The following PACRG variants were observed in gnomAD, a reference collection of about 807,000 sequenced individuals.
PACRG encodes the protein parkin coregulated gene protein.
Under a neutral mutation model 29.7 loss-of-function variants are expected in PACRG, and 29 were observed. The ratio of observed to expected loss-of-function variants is 0.98; its 90% CI spans 0.73 to 1.33. PACRG has a LOEUF of 1.33. PACRG is among the 40% of genes most tolerant of loss of function. The probability of loss-of-function intolerance (pLI) is 0.00; values close to 1 mark genes in which losing one functional copy is unlikely to be tolerated. For synonymous variants in PACRG, 116 were observed against 118.7 expected, an observed-to-expected ratio of 0.98 and a Z score of 0.15; for missense variants, 279 against 316.2, an observed-to-expected ratio of 0.88 and a Z score of 0.89.
rs543347085 is a variant in PACRG, at chr6:162,844,283, C to T, written c.291+30002C>T. Reference sequence around the variant, plus strand: ...GGCGTAGGACCCTCCGAGCCAGGTGCGGGATATAATCTCATGGTGCGCCGT... The same window carrying T: ...GGCGTAGGACCCTCCGAGCCAGGTGTGGGATATAATCTCATGGTGCGCCGT... On this transcript the variant is annotated intron_variant, in intron 2 of 4. Coordinates refer to ENST00000366888, the MANE Select transcript of PACRG (RefSeq NM_001080379.2). Among the ~76,000 whole-genome samples, 201 of 151,262 alleles carry T rather than the reference C, an allele frequency of 1.3e-3. 3 individuals carry two copies. The highest frequency in any genetic ancestry group is 4.6e-3 in the African/African-American group (189 of 41,192).
intron 4 of PACRG, among the ~76,000 whole-genome samples, chr6:163,195,342 C>A (rs1461711320): frequency 6.6e-6 from 1 of 152,122 alleles, no homozygotes; most frequent in Non-Finnish European, 1.5e-5. Flanking sequence ...GAGAGTGCTG[C>A]CAAAGAGAAG....
intron 2 of PACRG, among the ~76,000 whole-genome samples, chr6:162,971,087 G>A (rs1801492873): frequency 6.6e-6 from 1 of 152,226 alleles, no homozygotes; most frequent in Non-Finnish European, 1.5e-5. Context: ...AATTCAGATT[G>A]TAAAGACTGA....
chr6:162,922,017 T>C (rs1797098938), intron 2 of PACRG, among the ~76,000 whole-genome samples: 1 of 152,046 alleles, frequency 6.6e-6, no homozygotes, highest in South Asian at 2.1e-4. Flanking sequence ...TGTCTAGTTT[T>C]CTGGCTCCTG....
chr6:163,102,945 C>T (rs750228727), intron 4 of PACRG, among the ~76,000 whole-genome samples: 103 of 151,996 alleles, frequency 6.8e-4, no homozygotes, highest in Non-Finnish European at 1.4e-3. Flanking sequence ...GGACTTTTGT[C>T]TTTTTTTTCA....
chr6:163,240,975 A>C (rs1469632978), intron 4 of PACRG, among the ~76,000 whole-genome samples: 2 of 152,280 alleles, frequency 1.3e-5, no homozygotes, highest in South Asian at 2.1e-4. Flanking sequence ...TTTACTCCCC[A>C]AAATCGGACT....
intron 2 of PACRG, among the ~76,000 whole-genome samples, chr6:162,829,616 C>T (rs1034262896): frequency 6.6e-6 from 1 of 152,036 alleles, no homozygotes; most frequent in Non-Finnish European, 1.5e-5. Context: ...ATGGTGGGAC[C>T]GTAAGATTAT....
intron 4 of PACRG, among the ~76,000 whole-genome samples, chr6:163,266,756 A>T (rs1185249639): frequency 6.6e-6 from 1 of 152,196 alleles, no homozygotes; most frequent in Non-Finnish European, 1.5e-5. Flanking sequence ...AGCTCAGAGA[A>T]GTGGATGCTT....
At chr6:163,141,583 T>C (rs1477386938) in intron 4 of PACRG, among the ~76,000 whole-genome samples, 1 of 150,968 alleles carries the variant, frequency 6.6e-6, no homozygotes, top group Non-Finnish European at 1.5e-5. Context: ...TTTCCATACC[T>C]AAAACCATGC....
chr6:162,730,373 T>C (rs780890156), intron 1 of PACRG, among the ~76,000 whole-genome samples: 1 of 152,120 alleles, frequency 6.6e-6, no homozygotes, highest in Admixed American at 6.5e-5. Flanking sequence ...AGGACGTGTA[T>C]GCCAATTTCC....
intron 4 of PACRG, among the ~76,000 whole-genome samples, chr6:163,196,132 C>T (rs1220756480): frequency 6.6e-6 from 1 of 152,214 alleles, no homozygotes; most frequent in Non-Finnish European, 1.5e-5. Context: ...CAGCATTTCT[C>T]GCACAGCGTT....
At chr6:162,914,720 T>C (rs1009781853) in intron 2 of PACRG, among the ~76,000 whole-genome samples, 8 of 151,788 alleles carry the variant, frequency 5.3e-5, no homozygotes, top group African/African-American at 1.9e-4. Flanking sequence ...CTTAGGTCCT[T>C]AGTTTCTCTC....
rs571549713 is a variant in PACRG at position 162,778,830 on chromosome 6, A to G, written c.157-35317A>G. Among the ~76,000 whole-genome samples the G allele has an allele frequency of 3.9e-5, 6 of 152,348 alleles. 1 individual carries two copies. In the South Asian group the frequency reaches 8.3e-4, roughly 21 times the overall value. On this transcript the variant is annotated intron_variant, in intron 1 of 4. Coordinates refer to ENST00000366888, the MANE Select transcript of PACRG (RefSeq NM_001080379.2). ...CCTGTGTGGCGCTCAGAGCGAGCCT[A>G]GCGGGGTTGACCCCTGAGGTTCCAA...
intron 4 of PACRG, among the ~76,000 whole-genome samples, chr6:163,127,195 ACT>A (rs1233676823): frequency 6.6e-6 from 1 of 152,132 alleles, no homozygotes; most frequent in East Asian, 1.9e-4. Context: ...CCCAGCTCTG[ACT>A]CTTTCTCCTG....
chr6:162,924,105 T>G (rs1298032970), intron 2 of PACRG, among the ~76,000 whole-genome samples: 1 of 152,110 alleles, frequency 6.6e-6, no homozygotes, highest in Non-Finnish European at 1.5e-5. Context: ...ATCATTCACC[T>G]TCCTGGTTAA....
chr6:163,169,051 G>A (rs1778947543), intron 4 of PACRG, among the ~76,000 whole-genome samples: 1 of 152,186 alleles, frequency 6.6e-6, no homozygotes, highest in Non-Finnish European at 1.5e-5. Context: ...GGTCCACATG[G>A]TCCTAATTGT....
At chr6:163,177,472 G>A (rs1779421126) in intron 4 of PACRG, among the ~76,000 whole-genome samples, 1 of 151,960 alleles carries the variant, frequency 6.6e-6, no homozygotes, top group Non-Finnish European at 1.5e-5. Context: ...ACCAGGGTCT[G>A]AGTGACAATG....
At chr6:163,174,335 G>A (rs1779240791) in intron 4 of PACRG, among the ~76,000 whole-genome samples, 1 of 152,246 alleles carries the variant, frequency 6.6e-6, no homozygotes, top group Non-Finnish European at 1.5e-5. Context: ...GGTTGGACAA[G>A]CTTGCTTTCG....
intron 3 of PACRG, among the ~76,000 whole-genome samples, chr6:163,068,876 T>A (rs117432500): frequency 6.6e-6 from 1 of 152,240 alleles, no homozygotes; most frequent in Non-Finnish European, 1.5e-5. Flanking sequence ...CTTTTCTTTG[T>A]TTGGGGTGGG....
chr6:163,241,672 G>C (rs928655969), intron 4 of PACRG, among the ~76,000 whole-genome samples: 1 of 152,206 alleles, frequency 6.6e-6, no homozygotes, highest in Non-Finnish European at 1.5e-5. Flanking sequence ...GGGTAGATGT[G>C]GGGGGTGATC....
Sources: gnomAD v4.1 joint callset for allele counts (sites outside exome capture counted in the v4.1 genomes callset) on GRCh38, gnomAD v4.1.1 for gene constraint, MANE v1.5 for transcripts, NCBI Gene and HGNC (gene_info 2026-07-23, HGNC 2026-07-21) for gene names.